TNS3: variants seen among roughly 807,000 people sequenced by gnomAD.
The protein encoded by TNS3 is tensin-3.
A neutral mutation model predicts 140.9 loss-of-function variants in TNS3; 45 were observed. The observed-to-expected ratio is 0.32, with a 90% CI of 0.25 to 0.41. The LOEUF is 0.41. Among genes scored for constraint, TNS3 ranks in the 10% least tolerant of loss-of-function variants. The probability of loss-of-function intolerance (pLI) is 1.00; values close to 1 mark genes in which losing one functional copy is unlikely to be tolerated. For synonymous variants in TNS3, 815 were observed against 788.4 expected (o/e 1.03, Z -0.56); for missense variants, 1,716 against 1,906.7 (o/e 0.90, Z 1.86).
chr7:47,323,662 C>T (rs989677593), intron 20 of TNS3, among the ~76,000 whole-genome samples: 14 of 152,202 alleles, frequency 9.2e-5, no homozygotes, highest in African/African-American at 3.1e-4. Context: ...GGATAAGATA[C>T]TTCCAACAAT....
chr7:47,555,488 T>A (rs1800172610), intron 1 of TNS3, among the ~76,000 whole-genome samples: 1 of 152,162 alleles, frequency 6.6e-6, no homozygotes, highest in Admixed American at 6.6e-5. Flanking sequence ...TAATTCCAAT[T>A]TTGAAAAAAG....
intron 14 of TNS3, 47 bp downstream of exon 14, chr7:47,400,738 C>A: frequency 6.2e-7 from 1 of 1,603,458 alleles, no homozygotes; most frequent in South Asian, 1.1e-5. Context: ...CAAGGAGGTT[C>A]AACCGCAGCT....
At chr7:47,541,724 G>A (rs1038389850) in intron 1 of TNS3, among the ~76,000 whole-genome samples, 1 of 152,012 alleles carries the variant, frequency 6.6e-6, no homozygotes, top group African/African-American at 2.4e-5. Flanking sequence ...TGAGGCGAGC[G>A]GATCACAAGG....
chr7:47,288,132 T>C (rs1397566838), intron 27 of TNS3, among the ~76,000 whole-genome samples: 1 of 152,216 alleles, frequency 6.6e-6, no homozygotes, highest in Non-Finnish European at 1.5e-5. Context: ...TGTGCCCTGG[T>C]GCTACCATAT....
At chr7:47,405,950 TG>T (rs1248742003) in intron 13 of TNS3, among the ~76,000 whole-genome samples, 1 of 151,924 alleles carries the variant, frequency 6.6e-6, no homozygotes, top group Non-Finnish European at 1.5e-5. Flanking sequence ...GGCAGCAAGA[TG>T]AAGCATGTGT....
chr7:47,344,998 T>A lies in TNS3; in HGVS notation c.2492A>T (p.Asp831Val). The change falls in exon 19 of 31, where the codon GAT becomes GTT. Residue 831 changes from aspartate to valine, a missense_variant. By Grantham distance (152) the Asp-to-Val change is radical (BLOSUM62 -3). Transcript: ENST00000311160. ...CTCCTTGCTACTTAAAATTCTGCCA[T>A]CGATAATATCGAGGTCCTGGGGATA... ...PGYPQDLDIIDGRILSSKESM... is the reference protein window; with the variant it reads ...PGYPQDLDIIVGRILSSKESM... The A allele has an allele frequency of 6.2e-7, 1 of 1,614,188 alleles. No homozygotes were observed. Among genetic ancestry groups the A allele is most frequent in the Non-Finnish European group, 8.5e-7 (1 of 1,180,046 alleles).
chr7:47,395,598 C>T lies in TNS3; in HGVS notation c.1024+1202G>A, dbSNP rs576719880. On this transcript the variant is annotated intron_variant, in intron 16 of 30. Transcript: ENST00000311160. ...TTTTGAAAGACAATGTATCATTTTG[C>T]AAGAGTTTTCAGCTACATTTCTTTT... Among the ~76,000 whole-genome samples the T allele has an allele frequency of 7.9e-5, 12 of 152,326 alleles. No homozygotes were observed. The South Asian group carries it at 2.1e-3, about 26-fold the overall frequency.
At chr7:47,395,777 A>G (rs1009886913) in intron 16 of TNS3, among the ~76,000 whole-genome samples, 5 of 152,204 alleles carry the variant, frequency 3.3e-5, no homozygotes, top group African/African-American at 1.2e-4. Flanking sequence ...CTTACCATCA[A>G]CATTCCATCT....
chr7:47,429,287 G>A (rs1204199151), intron 8 of TNS3, among the ~76,000 whole-genome samples: 1 of 152,140 alleles, frequency 6.6e-6, no homozygotes, highest in African/African-American at 2.4e-5. Flanking sequence ...TACATCCAGG[G>A]CTGCTTTCAC....
chr7:47,540,109 T>G (rs1799741743), intron 1 of TNS3, among the ~76,000 whole-genome samples: 1 of 152,226 alleles, frequency 6.6e-6, no homozygotes, highest in Non-Finnish European at 1.5e-5. Context: ...CTGTGCTTTT[T>G]ACTCGCCAGG....
chr7:47,527,485 GCAGGCCCCAAACA>G (rs374549071), intron 2 of TNS3, among the ~76,000 whole-genome samples: 211 of 152,238 alleles, frequency 1.4e-3, no homozygotes, highest in Middle Eastern at 0.014. Context: ...CCTTACACCT[GCAGGCCCCAAACA>G]CAAAGGGCCA....
chr7:47,355,822 C>T (rs1328121014), intron 17 of TNS3, among the ~76,000 whole-genome samples: 2 of 152,114 alleles, frequency 1.3e-5, no homozygotes, highest in Non-Finnish European at 2.9e-5. Context: ...TCTTTGCCAG[C>T]GCACGGCCTG....
At chr7:47,396,697 AT>A (rs1434811579) in intron 16 of TNS3, 102 bp downstream of exon 16, 1 of 960,440 alleles carries the variant, frequency 1.0e-6, no homozygotes. Flanking sequence ...AACAGGGGAA[AT>A]TTTTTCTTCT....
chr7:47,524,558 T>A (rs950749455), intron 2 of TNS3, among the ~76,000 whole-genome samples: 1 of 150,106 alleles, frequency 6.7e-6, no homozygotes, highest in East Asian at 2.0e-4. Context: ...ATCCCAGCAC[T>A]TTGGGAGGCC....
chr7:47,476,926 G>A (rs1797216224), intron 4 of TNS3, among the ~76,000 whole-genome samples: 1 of 152,196 alleles, frequency 6.6e-6, no homozygotes, highest in African/African-American at 2.4e-5. Flanking sequence ...ACTTTTGTAA[G>A]CTGCTGCAGT....
At chr7:47,400,996 C>T (rs1793129055) in intron 13 of TNS3, 82 bp from the exon 14 acceptor site, 1 of 1,576,558 alleles carries the variant, frequency 6.3e-7, no homozygotes, top group Non-Finnish European at 8.6e-7. Flanking sequence ...CCGCGGAGGC[C>T]GGCACAGCAG....
At chr7:47,461,725 GC>G (rs1796499542) in intron 4 of TNS3, among the ~76,000 whole-genome samples, 2 of 152,244 alleles carry the variant, frequency 1.3e-5, no homozygotes, top group Non-Finnish European at 2.9e-5. Flanking sequence ...TATTGTAATT[GC>G]AGAGCTTAAT....
At position 47,454,462 on chromosome 7, in the gene TNS3, G is replaced by A. The variant is rs552926732; in HGVS notation, c.-75-12407C>T. Among the ~76,000 whole-genome samples, 3 of 152,306 alleles carry A rather than the reference G, an allele frequency of 2.0e-5. No homozygotes were observed. The South Asian group carries it at 6.2e-4, about 32-fold the overall frequency. Reference sequence around the variant, plus strand: ...ACCACCAGCCTCCCAGGATCTCTGTGGGGACTAAGAAGATGCCTCAAGGCA... The same window carrying A: ...ACCACCAGCCTCCCAGGATCTCTGTAGGGACTAAGAAGATGCCTCAAGGCA... On this transcript the variant is annotated intron_variant, in intron 4 of 30. Coordinates refer to ENST00000311160, the MANE Select transcript of TNS3 (RefSeq NM_022748.12).
intron 3 of TNS3, among the ~76,000 whole-genome samples, chr7:47,495,205 A>G (rs1402907217): frequency 2.0e-5 from 3 of 151,904 alleles, no homozygotes; most frequent in South Asian, 2.1e-4. Context: ...AAAAAAAAAA[A>G]AAAAAAGAAA....
Sources: allele counts gnomAD v4.1 joint callset (sites outside exome capture counted in the v4.1 genomes callset), GRCh38; gene constraint gnomAD v4.1.1; transcripts MANE v1.5; gene names NCBI Gene and HGNC (gene_info 2026-07-23, HGNC 2026-07-21).